Variants in SNX24 observed in about 807,000 individuals in gnomAD.
SNX24 encodes sorting nexin 24, also known as sorting nexin-24.
Under a neutral mutation model 28.7 loss-of-function variants are expected in SNX24, and 22 were observed. That is an observed-to-expected ratio of 0.77 (90% CI 0.55 to 1.10). SNX24 has a LOEUF of 1.10. SNX24 is among the 50% of genes least tolerant of loss of function. SNX24 has a pLI of 0.00. For synonymous variants in SNX24, 69 were observed against 71.5 expected (o/e 0.96, Z 0.18); for missense variants, 221 against 201.1 (o/e 1.10, Z -0.60).
chr5:122,931,253 A>T (rs999977573), intron 1 of SNX24, among the ~76,000 whole-genome samples: 2 of 152,210 alleles, frequency 1.3e-5, no homozygotes, highest in African/African-American at 4.8e-5. Context: ...CTTCAGGCTC[A>T]AAGTAGGAAC....
chr5:122,984,411 C>T (rs1043360529), intron 3 of SNX24, among the ~76,000 whole-genome samples: 1 of 152,054 alleles, frequency 6.6e-6, no homozygotes, highest in African/African-American at 2.4e-5. Flanking sequence ...TAAAGAAGCT[C>T]CTAAAAAATG....
At chr5:123,010,201 G>A (rs1382059169), downstream of SNX24, among the ~76,000 whole-genome samples, 1 of 152,042 alleles carries the variant, frequency 6.6e-6, no homozygotes, top group Non-Finnish European at 1.5e-5. Context: ...CCAGTTTGTA[G>A]AACCTTATTC....
At chr5:122,933,359 G>C (rs1203920033) in intron 1 of SNX24, among the ~76,000 whole-genome samples, 2 of 152,178 alleles carry the variant, frequency 1.3e-5, no homozygotes, top group Non-Finnish European at 2.9e-5. Flanking sequence ...GTTTTCACCT[G>C]AATACTTGAG....
chr5:123,013,559 G>A (rs1762630754), downstream of SNX24, among the ~76,000 whole-genome samples: 1 of 152,182 alleles, frequency 6.6e-6, no homozygotes, highest in African/African-American at 2.4e-5. Flanking sequence ...TCTGATGAGG[G>A]TGAAGGTCTA....
chr5:123,022,087 T>A (rs13176271), intron 5 of SNX24, among the ~76,000 whole-genome samples: 2 of 152,138 alleles, frequency 1.3e-5, no homozygotes, highest in African/African-American at 4.8e-5. Context: ...TGTTTCCTTG[T>A]TTATTCTCTG....
chr5:122,856,427 T>G (rs549087669), intron 1 of SNX24, among the ~76,000 whole-genome samples: 6 of 148,602 alleles, frequency 4.0e-5, no homozygotes, highest in Non-Finnish European at 7.5e-5. Context: ...AGTGCTGTGA[T>G]GAACATATAT....
intron 3 of SNX24, among the ~76,000 whole-genome samples, chr5:122,981,659 T>A (rs1478191977): frequency 6.8e-6 from 1 of 147,524 alleles, no homozygotes; most frequent in Admixed American, 6.7e-5. Context: ...AAATACATGT[T>A]TTGTTTTGTT....
At chr5:123,012,219 G>A (rs1762596469), downstream of SNX24, among the ~76,000 whole-genome samples, 1 of 152,106 alleles carries the variant, frequency 6.6e-6, no homozygotes, top group Non-Finnish European at 1.5e-5. Context: ...CCACTCTCGG[G>A]CAGTCCTTTA....
intron 5 of SNX24, among the ~76,000 whole-genome samples, chr5:123,024,350 T>C (rs1762819105): frequency 2.0e-5 from 3 of 152,330 alleles, no homozygotes; most frequent in African/African-American, 7.2e-5. Flanking sequence ...ATTCACCTGG[T>C]ATAAGCCAGC....
At chr5:122,901,144 T>C (rs1757428692) in intron 1 of SNX24, among the ~76,000 whole-genome samples, 1 of 149,356 alleles carries the variant, frequency 6.7e-6, no homozygotes, top group Non-Finnish European at 1.5e-5. Context: ...GAGGTGGCAG[T>C]GAGCCAAGAT....
chr5:122,929,179 T>G (rs927876012), intron 1 of SNX24, among the ~76,000 whole-genome samples: 2 of 152,070 alleles, frequency 1.3e-5, no homozygotes, highest in African/African-American at 4.8e-5. Context: ...TTCAGAGGTG[T>G]CTCTTCACTG....
intron 1 of SNX24, among the ~76,000 whole-genome samples, chr5:122,847,085 T>C (rs566498540): frequency 6.6e-6 from 1 of 152,222 alleles, no homozygotes; most frequent in East Asian, 1.9e-4. Context: ...CTTACCATCT[T>C]TGGGACATTC....
chr5:122,860,143 G>A (rs1048186824), intron 1 of SNX24, among the ~76,000 whole-genome samples: 2 of 152,156 alleles, frequency 1.3e-5, no homozygotes, highest in African/African-American at 2.4e-5. Flanking sequence ...GAACAGCTTT[G>A]CAGGGCCGTC....
intron 3 of SNX24, among the ~76,000 whole-genome samples, chr5:122,967,948 C>G (rs30053): frequency 0.77 from 117,056 of 152,172 alleles, 45,900 homozygotes; most frequent in East Asian, 0.99. Context: ...AAAGGCCCTT[C>G]GGACACCAAG....
In SNX24 at chr5:122,990,325, C is replaced by T. The variant is rs554045133; in HGVS notation, c.250-9587C>T. On this transcript the variant is annotated intron_variant, in intron 3 of 6. Coordinates refer to ENST00000261369, the MANE Select transcript of SNX24 (RefSeq NM_014035.4). Reference sequence around the variant, plus strand: ...GACTAAATATATTGTTATAACCGAACAAATATAAAATGGTGTTGGAAGTCT... The same window carrying T: ...GACTAAATATATTGTTATAACCGAATAAATATAAAATGGTGTTGGAAGTCT... 4.6e-4 allele frequency among the ~76,000 whole-genome samples: 70 copies of T among 152,222 alleles called. 2 individuals are homozygous for T. The South Asian group carries it at 0.012, about 26-fold the overall frequency.
chr5:122,867,931 C>A (rs1755792549), intron 1 of SNX24, among the ~76,000 whole-genome samples: 1 of 152,196 alleles, frequency 6.6e-6, no homozygotes, highest in Non-Finnish European at 1.5e-5. Flanking sequence ...CATGTCTGGC[C>A]ATTTCTCCTT....
intron 1 of SNX24, among the ~76,000 whole-genome samples, chr5:122,925,090 T>C (rs1490439067): frequency 2.9e-4 from 35 of 120,682 alleles, no homozygotes; most frequent in Admixed American, 2.7e-3. Flanking sequence ...CTCTTCCCTC[T>C]CCTCCTTCCC....
chr5:122,914,924 A>G (rs1241571897), intron 1 of SNX24, among the ~76,000 whole-genome samples: 1 of 152,116 alleles, frequency 6.6e-6, no homozygotes, highest in Non-Finnish European at 1.5e-5. Context: ...AATGAAGGCT[A>G]TGGGTTGGAT....
At chr5:122,933,974 G>A (rs1759076738) in intron 1 of SNX24, among the ~76,000 whole-genome samples, 1 of 151,842 alleles carries the variant, frequency 6.6e-6, no homozygotes, top group Non-Finnish European at 1.5e-5. Flanking sequence ...GTAGAGACAG[G>A]GTTTCATCAT....
Sources: gnomAD v4.1 joint callset for allele counts (sites outside exome capture counted in the v4.1 genomes callset) on GRCh38, gnomAD v4.1.1 for gene constraint, MANE v1.5 for transcripts, NCBI Gene and HGNC (gene_info 2026-07-23, HGNC 2026-07-21) for gene names.